NDRG1: variants seen among roughly 807,000 people sequenced by gnomAD.
NDRG1 encodes protein NDRG1.
In NDRG1, 32 loss-of-function variants were observed where a neutral mutation model predicts 56.9. That is an observed-to-expected ratio of 0.56 (90% CI 0.42 to 0.76). The LOEUF is 0.76. Ranked by LOEUF, NDRG1 falls within the 30% of genes least tolerant of loss-of-function variation. The probability of loss-of-function intolerance (pLI) is 0.00; values close to 1 mark genes in which losing one functional copy is unlikely to be tolerated. For synonymous variants in NDRG1, 211 were observed against 204.1 expected (o/e 1.03, Z -0.29); for missense variants, 507 against 545.7 (o/e 0.93, Z 0.71).
chr8:133,268,601 G>C (rs1857031575), intron 3 of NDRG1, among the ~76,000 whole-genome samples: 1 of 152,098 alleles, frequency 6.6e-6, no homozygotes, highest in Non-Finnish European at 1.5e-5. Flanking sequence ...AGTAAGGCAG[G>C]GTATCAGACC....
chr8:133,273,338 G>A lies in NDRG1; in HGVS notation c.99+6894C>T, dbSNP rs117911482. ...TATCGGTGATGAAGTCAACTCTGCT[G>A]TCCCTTCCCCAAAACTCGTTAAATG... On this transcript the variant is annotated intron_variant, in intron 3 of 15. Coordinates refer to ENST00000323851, the MANE Select transcript of NDRG1 (RefSeq NM_006096.4). Among the ~76,000 whole-genome samples, 658 of 152,340 alleles carry A rather than the reference G, an allele frequency of 4.3e-3. 29 individuals carry two copies. In the East Asian group the frequency reaches 0.083, roughly 19 times the overall value.
chr8:133,294,678 G>GGC (rs919563262), intron 1 of NDRG1, among the ~76,000 whole-genome samples: 3 of 152,018 alleles, frequency 2.0e-5, no homozygotes, highest in African/African-American at 7.3e-5. Context: ...TCATGGGGGG[G>GGC]GGGCAGCCCC....
intron 15 of NDRG1, chr8:133,240,101 C>G (rs1275839533): frequency 6.6e-6 from 1 of 152,250 alleles, no homozygotes; most frequent in Admixed American, 6.5e-5. Context: ...TCTTCCACAG[C>G]AGCGTTGGAG....
At chr8:133,283,895 G>T (rs900752136) in intron 2 of NDRG1, among the ~76,000 whole-genome samples, 1 of 152,222 alleles carries the variant, frequency 6.6e-6, no homozygotes, top group Non-Finnish European at 1.5e-5. Flanking sequence ...TGTTAGAGAC[G>T]GGAAAGCTGA....
chr8:133,257,482 C>T (rs1856445623), intron 7 of NDRG1, among the ~76,000 whole-genome samples: 1 of 152,298 alleles, frequency 6.6e-6, no homozygotes, highest in South Asian at 2.1e-4. Flanking sequence ...CCCTTTGCTC[C>T]TAGGTTTGCT....
intron 5 of NDRG1, chr8:133,259,561 A>T (rs932376497): frequency 6.8e-5 from 28 of 411,678 alleles, no homozygotes; most frequent in African/African-American, 3.9e-4. Flanking sequence ...GCCTCACAAG[A>T]GCAGTAGATG....
chr8:133,289,984 C>T (rs929990007), intron 1 of NDRG1, among the ~76,000 whole-genome samples: 11 of 152,130 alleles, frequency 7.2e-5, no homozygotes, highest in Admixed American at 4.6e-4. Context: ...AAATGGAAAC[C>T]CAGGCAGGAA....
intron 1 of NDRG1, among the ~76,000 whole-genome samples, chr8:133,293,252 A>G (rs2130814370): frequency 6.6e-6 from 1 of 152,308 alleles, no homozygotes; most frequent in Non-Finnish European, 1.5e-5. Context: ...TCTATCTCCA[A>G]GTTGAAAGAT....
chr8:133,281,357 CAAA>C (rs569886625), intron 2 of NDRG1, among the ~76,000 whole-genome samples: 3 of 89,634 alleles, frequency 3.3e-5, no homozygotes, highest in Non-Finnish European at 5.0e-5. Context: ...AACTCCGTCT[CAAA>C]AAAAAAAAAA....
intron 15 of NDRG1, chr8:133,240,858 C>CGGCTGTCTCCAT (rs1855339277): frequency 6.6e-6 from 1 of 152,226 alleles, no homozygotes; most frequent in Non-Finnish European, 1.5e-5. Flanking sequence ...GACTGCCCCG[C>CGGCTGTCTCCAT]GGCTGTCTCC....
intron 2 of NDRG1, among the ~76,000 whole-genome samples, chr8:133,282,236 C>G (rs948212543): frequency 1.2e-4 from 18 of 152,182 alleles, no homozygotes; most frequent in Non-Finnish European, 2.4e-4. Flanking sequence ...GATGCCACTT[C>G]TGAGAACTTT....
chr8:133,238,940 T>A lies in NDRG1; in HGVS notation c.1123A>T (p.Thr375Ser), dbSNP rs1205702104. ...HTSEGAHLDI[T>S]PNSGAAGNSA... is the part of the protein sequence containing the mutation. Reference sequence around the variant, plus strand: ...TTCCCAGCAGCACCCGAGTTGGGGGTGATGTCCAGGTGGGCCCCCTCGCTG... The same window carrying A: ...TTCCCAGCAGCACCCGAGTTGGGGGAGATGTCCAGGTGGGCCCCCTCGCTG... Residue 375 changes from threonine (T) to serine (S), a missense_variant, in exon 16 of 16, where the codon ACC becomes TCC. Thr to Ser is a moderately conservative substitution (Grantham distance 58). Coordinates refer to ENST00000323851, the MANE Select transcript of NDRG1 (RefSeq NM_006096.4). 1.9e-6 allele frequency: 3 copies of A among 1,569,118 alleles called. No homozygotes were observed. Among genetic ancestry groups the A allele is most frequent in the Non-Finnish European group, 1.7e-6 (2 of 1,158,458 alleles).
Position 133,238,060 on chromosome 8 carries a change from G to T in NDRG1, c.*818C>A, listed in dbSNP as rs555471304. 1 of 232,982 alleles carries T rather than the reference G, an allele frequency of 4.3e-6. No individual in the cohort carries two copies. The highest frequency in any genetic ancestry group is 8.5e-6 in the Non-Finnish European group (1 of 117,928). The allele number at this position is 232,982 out of a possible 1,614,324, so 14.4% of individuals were successfully genotyped here. On this transcript the variant is annotated 3_prime_UTR_variant, in exon 16 of 16. Coordinates refer to ENST00000323851, the MANE Select transcript of NDRG1 (RefSeq NM_006096.4). ...TCTCCCTGAACAAGAATAATCACTG[G>T]CTCATGTATCAGGGGTGGGAGGTTG... is the stretch of plus-strand genomic sequence containing the variant.
At chr8:133,290,164 C>T (rs1858351673) in intron 1 of NDRG1, among the ~76,000 whole-genome samples, 1 of 152,270 alleles carries the variant, frequency 6.6e-6, no homozygotes, top group African/African-American at 2.4e-5. Flanking sequence ...ACCTGCACAC[C>T]CTCTTGAGCA....
chr8:133,262,834 C>A (rs1182575450), intron 4 of NDRG1, among the ~76,000 whole-genome samples: 2 of 152,172 alleles, frequency 1.3e-5, no homozygotes, highest in South Asian at 2.1e-4. Context: ...CTCTAAGATC[C>A]TCTAAGTTTC....
intron 15 of NDRG1, 54 bp from the exon 16 acceptor site, chr8:133,239,173 C>T: frequency 6.5e-7 from 1 of 1,547,546 alleles, no homozygotes; most frequent in Non-Finnish European, 8.7e-7. Flanking sequence ...AGGTGAGGAG[C>T]CAGGCATGCC....
chr8:133,261,967 T>C, intron 5 of NDRG1, 80 bp downstream of exon 5: 5 of 1,501,966 alleles, frequency 3.3e-6, no homozygotes, highest in Non-Finnish European at 4.5e-6. Flanking sequence ...TAAAAAGTAT[T>C]TAAAAGAGCA....
At chr8:133,295,256 T>C (rs1398323771) in intron 1 of NDRG1, among the ~76,000 whole-genome samples, 1 of 152,210 alleles carries the variant, frequency 6.6e-6, no homozygotes. Flanking sequence ...CCCATGTGCA[T>C]ATTTCAACTC....
At position 133,288,699 on chromosome 8, in the gene NDRG1, C is replaced by T. The variant is rs114653830; in HGVS notation, c.-18-4370G>A. On this transcript the variant is annotated intron_variant, in intron 1 of 15. Transcript: ENST00000323851. ...CAGGTGGGGTGGCAAGGCAGGGCCA[C>T]ACACAGCATGGCGGGGGAACCAGGG... Among the ~76,000 whole-genome samples, 1,240 of 152,316 alleles carry T rather than the reference C, an allele frequency of 8.1e-3. 14 individuals carry two copies. Among genetic ancestry groups the T allele is most frequent in the African/African-American group, 0.028 (1,182 of 41,560 alleles).
Sources: gnomAD v4.1 joint callset for allele counts (sites outside exome capture counted in the v4.1 genomes callset) on GRCh38, gnomAD v4.1.1 for gene constraint, MANE v1.5 for transcripts, NCBI Gene and HGNC (gene_info 2026-07-23, HGNC 2026-07-21) for gene names.